The following METTL24 variants were observed in gnomAD, a reference collection of about 807,000 sequenced individuals.
The protein encoded by METTL24 is methyltransferase like 24.
A neutral mutation model predicts 32.7 loss-of-function variants in METTL24; 29 were observed. That is an observed-to-expected ratio of 0.89 (90% CI 0.66 to 1.21). The LOEUF (loss-of-function observed/expected upper bound fraction) is 1.21. METTL24 is among the 50% of genes most tolerant of loss of function. The pLI is 0.00. For synonymous variants in METTL24, 163 were observed against 179.5 expected (o/e 0.91, Z 0.73); for missense variants, 439 against 468.1 (o/e 0.94, Z 0.57).
At chr6:110,270,506 A>C (rs1159762775) in intron 4 of METTL24, among the ~76,000 whole-genome samples, 3 of 152,074 alleles carry the variant, frequency 2.0e-5, no homozygotes, top group Non-Finnish European at 4.4e-5. Context: ...CCAAAATAAA[A>C]TGTATGCACT....
chr6:110,334,391 C>G (rs957935987), intron 1 of METTL24, among the ~76,000 whole-genome samples: 1 of 152,102 alleles, frequency 6.6e-6, no homozygotes, highest in Non-Finnish European at 1.5e-5. Flanking sequence ...AGAGAGCACC[C>G]AAAACACAGA....
intron 2 of METTL24, among the ~76,000 whole-genome samples, chr6:110,316,185 C>T (rs1379292795): frequency 6.6e-6 from 1 of 152,132 alleles, no homozygotes. Flanking sequence ...GAGGCTCTTC[C>T]TGAGCTAACA....
chr6:110,302,619 A>G (rs1037538880), intron 3 of METTL24, among the ~76,000 whole-genome samples: 3 of 128,306 alleles, frequency 2.3e-5, no homozygotes, highest in Admixed American at 1.5e-4. Context: ...ATATGTGTAT[A>G]TATATACACA....
intron 1 of METTL24, among the ~76,000 whole-genome samples, chr6:110,328,845 AG>A (rs1446486009): frequency 6.6e-6 from 1 of 152,212 alleles, no homozygotes; most frequent in African/African-American, 2.4e-5. Flanking sequence ...GTTATGCAAA[AG>A]CTTTCTTTGT....
intron 3 of METTL24, among the ~76,000 whole-genome samples, chr6:110,305,932 C>T (rs1167081091): frequency 6.6e-6 from 1 of 152,138 alleles, no homozygotes; most frequent in East Asian, 1.9e-4. Flanking sequence ...AACCCAAATG[C>T]CCACAATGTT....
intron 4 of METTL24, among the ~76,000 whole-genome samples, chr6:110,251,889 A>G (rs1393269794): frequency 6.6e-6 from 1 of 152,178 alleles, no homozygotes; most frequent in Non-Finnish European, 1.5e-5. Flanking sequence ...CACGCCTGTA[A>G]TCCCTGCACT....
intron 1 of METTL24, among the ~76,000 whole-genome samples, chr6:110,347,545 G>A (rs1429984464): frequency 6.6e-6 from 1 of 152,158 alleles, no homozygotes; most frequent in Non-Finnish European, 1.5e-5. Flanking sequence ...TGACTAAAAC[G>A]TGGAAGACAA....
At position 110,244,363 on chromosome 6, in the gene METTL24, A is replaced by G. The variant is rs756728695; in HGVS notation, c.*1583T>C. ...TGAGTATAAAAAGCATCTTGAGTTG[A>G]AGCTCTTTTTTTTTTCTGTGAACAA... On this transcript the variant is annotated 3_prime_UTR_variant, in exon 5 of 5. Coordinates refer to ENST00000338882, the MANE Select transcript of METTL24 (RefSeq NM_001123364.3). Among the ~76,000 whole-genome samples, 2 of 152,120 alleles carry G rather than the reference A, an allele frequency of 1.3e-5. No individual in the cohort carries two copies. The highest frequency in any genetic ancestry group is 4.8e-5 in the African/African-American group (2 of 41,414).
At chr6:110,274,962 C>A (rs1235695709) in intron 4 of METTL24, among the ~76,000 whole-genome samples, 1 of 151,604 alleles carries the variant, frequency 6.6e-6, no homozygotes, top group African/African-American at 2.4e-5. Context: ...CCACACCCAA[C>A]TAATTTTTGT....
chr6:110,289,758 A>G (rs1158727411), intron 4 of METTL24, among the ~76,000 whole-genome samples: 1 of 152,226 alleles, frequency 6.6e-6, no homozygotes, highest in Admixed American at 6.5e-5. Context: ...CAAAAGATAT[A>G]GAGTACAGAG....
intron 4 of METTL24, among the ~76,000 whole-genome samples, chr6:110,276,610 G>A (rs1440178721): frequency 6.6e-6 from 1 of 152,190 alleles, no homozygotes; most frequent in Non-Finnish European, 1.5e-5. Context: ...AGGCCTTTCA[G>A]AAGTCCCTTG....
rs1037217916 is a variant in METTL24 at position 110,339,484 on chromosome 6, A to C, written c.319-16612T>G. On this transcript the variant is annotated intron_variant, in intron 1 of 4. Coordinates refer to ENST00000338882, the MANE Select transcript of METTL24 (RefSeq NM_001123364.3). The stretch of plus-strand genomic sequence containing the variant: ...TATGGGTGAGGTAACTGCAAAAAAG[A>C]ATAACAAAATCACTAAAATCTGGAG... Among the ~76,000 whole-genome samples, 6 of 152,242 alleles carry C rather than the reference A, an allele frequency of 3.9e-5. No homozygotes were observed. In the East Asian group the frequency reaches 1.2e-3, roughly 29 times the overall value.
intron 4 of METTL24, among the ~76,000 whole-genome samples, chr6:110,249,700 A>T (rs2878175): frequency 0.072 from 11,014 of 152,068 alleles, 653 homozygotes; most frequent in African/African-American, 0.16. Context: ...CAATTATGCC[A>T]CTAAAAATCA....
chr6:110,332,028 T>C (rs1772118955), intron 1 of METTL24, among the ~76,000 whole-genome samples: 1 of 152,166 alleles, frequency 6.6e-6, no homozygotes, highest in East Asian at 1.9e-4. Context: ...GCAGGCATGC[T>C]GAAATTCAAA....
At chr6:110,300,314 G>C (rs1391163355) in intron 3 of METTL24, among the ~76,000 whole-genome samples, 1 of 151,854 alleles carries the variant, frequency 6.6e-6, no homozygotes, top group Non-Finnish European at 1.5e-5. Flanking sequence ...AGGGATGACT[G>C]ACTATTGCAT....
At chr6:110,312,836 G>A (rs572704406) in intron 3 of METTL24, among the ~76,000 whole-genome samples, 1 of 152,182 alleles carries the variant, frequency 6.6e-6, no homozygotes, top group Admixed American at 6.5e-5. Flanking sequence ...ACAAAGGAAG[G>A]AAAGAATGAA....
At chr6:110,307,906 C>T (rs1168253375) in intron 3 of METTL24, among the ~76,000 whole-genome samples, 1 of 152,140 alleles carries the variant, frequency 6.6e-6, no homozygotes, top group Non-Finnish European at 1.5e-5. Flanking sequence ...TATTGTTCTG[C>T]ATATATTAAT....
intron 4 of METTL24, among the ~76,000 whole-genome samples, chr6:110,253,658 A>G (rs1444120261): frequency 6.6e-6 from 1 of 152,228 alleles, no homozygotes; most frequent in Non-Finnish European, 1.5e-5. Context: ...CAGAATTTTA[A>G]AACAGTTTAC....
chr6:110,261,447 A>C (rs1196333078), intron 4 of METTL24, among the ~76,000 whole-genome samples: 1 of 152,340 alleles, frequency 6.6e-6, no homozygotes, highest in East Asian at 1.9e-4. Flanking sequence ...CCAATACAGG[A>C]GCACCCAGAG....
Sources: allele counts gnomAD v4.1 joint callset (sites outside exome capture counted in the v4.1 genomes callset), GRCh38; gene constraint gnomAD v4.1.1; transcripts MANE v1.5; gene names NCBI Gene and HGNC (gene_info 2026-07-23, HGNC 2026-07-21).